Variants in KHDRBS2 observed in about 807,000 individuals in gnomAD.
KHDRBS2 encodes KH domain-containing, RNA-binding, signal transduction-associated protein 2.
A neutral mutation model predicts 44.3 loss-of-function variants in KHDRBS2; 26 were observed. The observed-to-expected ratio is 0.59, with a 90% CI of 0.43 to 0.81. The LOEUF (loss-of-function observed/expected upper bound fraction) is 0.81, where lower values mean the gene tolerates loss of function less well. KHDRBS2 is among the 40% of genes least tolerant of loss of function. The probability of loss-of-function intolerance (pLI) is 0.00; values close to 1 mark genes in which losing one functional copy is unlikely to be tolerated. For synonymous variants in KHDRBS2, 194 were observed against 151.1 expected, an observed-to-expected ratio of 1.28 and a Z score of -2.08; for missense variants, 476 against 433.1, an observed-to-expected ratio of 1.10 and a Z score of -0.88.
intron 3 of KHDRBS2, among the ~76,000 whole-genome samples, chr6:62,009,180 G>C (rs1779826503): frequency 6.6e-6 from 1 of 152,190 alleles, no homozygotes; most frequent in African/African-American, 2.4e-5. Flanking sequence ...GTCTCAGATG[G>C]AGATGAGGAA....
chr6:61,920,587 T>A (rs1177026551), intron 4 of KHDRBS2, among the ~76,000 whole-genome samples: 3 of 152,032 alleles, frequency 2.0e-5, no homozygotes, highest in Non-Finnish European at 4.4e-5. Context: ...GTAGAGAATC[T>A]TTGGACTACA....
chr6:62,164,701 G>A (rs1818318173), intron 2 of KHDRBS2, among the ~76,000 whole-genome samples: 1 of 151,774 alleles, frequency 6.6e-6, no homozygotes. Flanking sequence ...TGCTAGATAT[G>A]CAACTGCTTT....
intron 3 of KHDRBS2, among the ~76,000 whole-genome samples, chr6:62,000,033 T>C (rs1298864655): frequency 1.3e-5 from 2 of 152,166 alleles, no homozygotes; most frequent in Non-Finnish European, 2.9e-5. Flanking sequence ...GTCTCTGTTA[T>C]CATATCAGAT....
chr6:61,590,909 T>C, the KHDRBS2 span, among the ~76,000 whole-genome samples: 1 of 152,182 alleles, frequency 6.6e-6, no homozygotes, highest in Non-Finnish European at 1.5e-5. Flanking sequence ...TCTTTAGGCT[T>C]AGAGGAACAT....
chr6:62,052,497 G>C (rs1330350187), intron 2 of KHDRBS2, among the ~76,000 whole-genome samples: 2 of 151,312 alleles, frequency 1.3e-5, no homozygotes, highest in Non-Finnish European at 2.9e-5. Flanking sequence ...ATAAAATGTA[G>C]GAGATATGTA....
intron 1 of KHDRBS2, among the ~76,000 whole-genome samples, chr6:62,222,221 G>T (rs1203501179): frequency 1.3e-5 from 2 of 151,838 alleles, no homozygotes; most frequent in East Asian, 1.9e-4. Context: ...AGAGAGTGAG[G>T]GAGGGAGAGA....
At chr6:62,194,165 T>A (rs917646417) in intron 1 of KHDRBS2, among the ~76,000 whole-genome samples, 4 of 152,110 alleles carry the variant, frequency 2.6e-5, no homozygotes, top group Non-Finnish European at 5.9e-5. Flanking sequence ...GTGGCAAACA[T>A]ACTTCTATGT....
At chr6:61,579,371 T>C in the KHDRBS2 span, among the ~76,000 whole-genome samples, 2 of 152,192 alleles carry the variant, frequency 1.3e-5, no homozygotes, top group Non-Finnish European at 2.9e-5. Context: ...ATAGAGATAC[T>C]GGGGAACCAA....
At chr6:62,073,113 C>A (rs183766161) in intron 2 of KHDRBS2, among the ~76,000 whole-genome samples, 3 of 151,958 alleles carry the variant, frequency 2.0e-5, no homozygotes, top group Admixed American at 2.0e-4. Context: ...GTGTTCACTT[C>A]TAATCTTTGA....
intron 4 of KHDRBS2, among the ~76,000 whole-genome samples, chr6:61,961,927 T>C (rs563262785): frequency 6.6e-6 from 1 of 152,162 alleles, no homozygotes; most frequent in Admixed American, 6.6e-5. Flanking sequence ...GTGTTTAAAA[T>C]AGACTATGTA....
At chr6:61,582,906 T>C in the KHDRBS2 span, among the ~76,000 whole-genome samples, 4 of 151,962 alleles carry the variant, frequency 2.6e-5, no homozygotes, top group South Asian at 2.1e-4. Flanking sequence ...CTTTTCATAA[T>C]GAAAATTGGA....
At chr6:62,066,060 C>T (rs1793628538) in intron 2 of KHDRBS2, among the ~76,000 whole-genome samples, 1 of 151,544 alleles carries the variant, frequency 6.6e-6, no homozygotes, top group Non-Finnish European at 1.5e-5. Context: ...CACGTCTTTG[C>T]CATATTTATA....
intron 2 of KHDRBS2, among the ~76,000 whole-genome samples, chr6:62,137,736 G>A (rs955945048): frequency 2.0e-5 from 3 of 152,010 alleles, no homozygotes; most frequent in Non-Finnish European, 4.4e-5. Flanking sequence ...TTTCCCCCAA[G>A]GCAACGTATA....
chr6:61,617,631 A>G, the KHDRBS2 span, among the ~76,000 whole-genome samples: 1 of 141,216 alleles, frequency 7.1e-6, no homozygotes, highest in African/African-American at 2.9e-5. Context: ...TAACTGAAAA[A>G]GACTGATTTT....
At chr6:62,247,369 C>T (rs1254262632) in intron 1 of KHDRBS2, among the ~76,000 whole-genome samples, 17 of 151,146 alleles carry the variant, frequency 1.1e-4, no homozygotes, top group Admixed American at 4.6e-4. Context: ...TACTAGTGCG[C>T]CAGCCTAGCA....
intron 2 of KHDRBS2, among the ~76,000 whole-genome samples, chr6:62,076,753 AC>A (rs900799711): frequency 6.6e-6 from 1 of 151,940 alleles, no homozygotes; most frequent in African/African-American, 2.4e-5. Flanking sequence ...TTGCTGAAAG[AC>A]CAAATAAATA....
intron 4 of KHDRBS2, among the ~76,000 whole-genome samples, chr6:61,932,544 T>C (rs748629676): frequency 6.6e-6 from 1 of 152,152 alleles, no homozygotes; most frequent in Admixed American, 6.5e-5. Context: ...CTCACGCCTG[T>C]AATCCCAGCA....
At chr6:62,049,599 C>T (rs1256814051) in intron 2 of KHDRBS2, among the ~76,000 whole-genome samples, 1 of 151,712 alleles carries the variant, frequency 6.6e-6, no homozygotes, top group Non-Finnish European at 1.5e-5. Flanking sequence ...TATACTTCAC[C>T]CACTTTGTGA....
chr6:61,697,941 G>A (rs537579928), intron 7 of KHDRBS2, among the ~76,000 whole-genome samples: 13 of 152,084 alleles, frequency 8.5e-5, no homozygotes, highest in African/African-American at 2.7e-4. Context: ...TTTCTTATCC[G>A]TAAAAAGCTC....
Sources: allele counts gnomAD v4.1 joint callset (sites outside exome capture counted in the v4.1 genomes callset), GRCh38; gene constraint gnomAD v4.1.1; transcripts MANE v1.5; gene names NCBI Gene and HGNC (gene_info 2026-07-23, HGNC 2026-07-21).